The following DOCK1 variants were observed in gnomAD, a reference collection of about 807,000 sequenced individuals.
DOCK1 encodes dedicator of cytokinesis protein 1.
Under a neutral mutation model 262.7 loss-of-function variants are expected in DOCK1, and 138 were observed. That is an observed-to-expected ratio of 0.53 (90% CI 0.46 to 0.61). The LOEUF (loss-of-function observed/expected upper bound fraction) is 0.61. Among genes scored for constraint, DOCK1 ranks in the 20% least tolerant of loss-of-function variants. The pLI is 0.00. For synonymous variants in DOCK1, 866 were observed against 867.4 expected (o/e 1.00, Z 0.03); for missense variants, 1,908 against 2,370.7 (o/e 0.80, Z 4.05).
chr10:127,152,046 A>G (rs1412430757), intron 27 of DOCK1, among the ~76,000 whole-genome samples: 1 of 152,102 alleles, frequency 6.6e-6, no homozygotes, highest in African/African-American at 2.4e-5. Context: ...CACCCACAGA[A>G]TATTACGTAG....
intron 29 of DOCK1, among the ~76,000 whole-genome samples, chr10:127,329,799 C>T (rs866885408): frequency 1.3e-5 from 2 of 151,958 alleles, no homozygotes; most frequent in Non-Finnish European, 1.5e-5. Context: ...GAGGTAGAGG[C>T]GAATAAGAAG....
At chr10:127,035,774 C>T (rs190221213) in intron 18 of DOCK1, among the ~76,000 whole-genome samples, 3 of 152,114 alleles carry the variant, frequency 2.0e-5, no homozygotes, top group African/African-American at 7.2e-5. Context: ...CTTTGGGAGG[C>T]TGAGGCGTGA....
intron 29 of DOCK1, among the ~76,000 whole-genome samples, chr10:127,292,141 T>G (rs1357865017): frequency 1.3e-5 from 2 of 152,208 alleles, no homozygotes; most frequent in Non-Finnish European, 2.9e-5. Context: ...TGTTGGACAG[T>G]TTTTACCATT....
intron 25 of DOCK1, among the ~76,000 whole-genome samples, chr10:127,123,522 G>A (rs981405900): frequency 6.6e-6 from 1 of 152,218 alleles, no homozygotes; most frequent in Non-Finnish European, 1.5e-5. Flanking sequence ...TAAACCCTAC[G>A]TCGGATGCTG....
rs115065609 is a variant in DOCK1 at position 127,313,110 on chromosome 10, C to T, written c.3045-25896C>T. 3.5e-3 allele frequency among the ~76,000 whole-genome samples: 537 copies of T among 152,260 alleles called. 1 individual carries two copies. The highest frequency in any genetic ancestry group is 0.011 in the African/African-American group (467 of 41,544). On this transcript the variant is annotated intron_variant, in intron 29 of 51. Coordinates refer to ENST00000623213, the MANE Select transcript of DOCK1 (RefSeq NM_001290223.2). Reference sequence around the variant, plus strand: ...TGCTAGACATCATGACTCAGCCAGACCTCAGCTGTGTGACCCACTCCAAAC... The same window carrying T: ...TGCTAGACATCATGACTCAGCCAGATCTCAGCTGTGTGACCCACTCCAAAC...
At chr10:127,362,848 C>T (rs116021420) in intron 33 of DOCK1, among the ~76,000 whole-genome samples, 2 of 10,266 alleles carry the variant, frequency 1.9e-4, no homozygotes, top group Non-Finnish European at 2.1e-4. Flanking sequence ...CACACACACA[C>T]ACACATGTAC....
chr10:127,290,151 A>G (rs2061300328), intron 29 of DOCK1, among the ~76,000 whole-genome samples: 2 of 151,970 alleles, frequency 1.3e-5, no homozygotes, highest in Non-Finnish European at 2.9e-5. Flanking sequence ...GGAAGAAGTC[A>G]GTCTTGTTTT....
chr10:127,188,754 T>A (rs2056501448), intron 27 of DOCK1, among the ~76,000 whole-genome samples: 1 of 152,200 alleles, frequency 6.6e-6, no homozygotes. Flanking sequence ...GTAACACTTG[T>A]GTATAACACT....
Position 127,249,411 on chromosome 10 carries a change from A to ACACACATG in DOCK1, c.2949+1302_2949+1303insCACACATG, listed in dbSNP as rs71032544. Among the ~76,000 whole-genome samples, 103 of 127,372 alleles carry ACACACATG rather than the reference A, an allele frequency of 8.1e-4. 3 individuals carry two copies. In the South Asian group the frequency reaches 0.027, roughly 33 times the overall value. The allele number at this position is 127,372 out of a possible 152,430, so 83.6% of individuals were successfully genotyped here. A position where few individuals can be genotyped will look rare whatever the true frequency, so the allele number is the denominator to read the frequency against. On this transcript the variant is annotated intron_variant, in intron 28 of 51. Coordinates refer to ENST00000623213, the MANE Select transcript of DOCK1 (RefSeq NM_001290223.2). ...TATATACACACATATATACATATAT[A>ACACACATG]TATACATGTACATATATATATACAC...
At chr10:127,412,424 GCCATAATTTT>G (rs2067913899) in intron 43 of DOCK1, among the ~76,000 whole-genome samples, 1 of 152,100 alleles carries the variant, frequency 6.6e-6, no homozygotes, top group East Asian at 1.9e-4. Flanking sequence ...CATCAAATAA[GCCATAATTTT>G]TTTAAAATGT....
At chr10:127,429,764 G>T (rs2134608123) in intron 47 of DOCK1, among the ~76,000 whole-genome samples, 1 of 151,530 alleles carries the variant, frequency 6.6e-6, no homozygotes, top group South Asian at 2.1e-4. Context: ...CCAGGGATGA[G>T]CCCGTGAGCA....
chr10:127,026,528 A>C, intron 16 of DOCK1, 104 bp downstream of exon 16: 1 of 1,027,748 alleles, frequency 9.7e-7, no homozygotes, highest in Non-Finnish European at 1.5e-6. Context: ...ATCATAACAC[A>C]ATAAGGCTCA....
At chr10:127,252,256 G>T (rs1323410669) in intron 28 of DOCK1, among the ~76,000 whole-genome samples, 4 of 146,592 alleles carry the variant, frequency 2.7e-5, no homozygotes, top group Non-Finnish European at 6.1e-5. Context: ...TTTTAAATTT[G>T]TTTGAGTTCA....
chr10:127,146,339 G>A (rs910960060), intron 27 of DOCK1, among the ~76,000 whole-genome samples: 2 of 152,090 alleles, frequency 1.3e-5, no homozygotes, highest in African/African-American at 4.8e-5. Flanking sequence ...AAGTTTCCTA[G>A]CATCTAAATA....
In DOCK1 at chr10:127,404,346, G is replaced by T. The variant is rs1303281071; in HGVS notation, c.4039G>T (p.Glu1347Ter). 6.2e-7 allele frequency: 1 copy of T among 1,613,674 alleles called. No homozygotes were observed. The highest frequency in any genetic ancestry group is 1.7e-5 in the Admixed American group (1 of 59,990). Residue 1347 changes from glutamate to a stop codon, truncating the protein, a stop_gained, in exon 40 of 52, where the codon GAA becomes TAA. Transcript: ENST00000623213. LOFTEE classifies it high-confidence loss of function. ...ELLKKQAQFY[E>*]NIVKVIRPKP... ...CCAGAAAAAACAGGCTCAGTTTTAT[G>T]AAAACATCGTCAAAGTGATCAGGCC... is the stretch of plus-strand genomic sequence containing the variant.
chr10:126,937,489 T>C (rs1409019218), intron 1 of DOCK1, among the ~76,000 whole-genome samples: 1 of 151,210 alleles, frequency 6.6e-6, no homozygotes, highest in Non-Finnish European at 1.5e-5. Context: ...CACACTTGTT[T>C]TTCTCCAACA....
intron 29 of DOCK1, among the ~76,000 whole-genome samples, chr10:127,320,314 C>G (rs551109664): frequency 1.2e-4 from 18 of 152,218 alleles, no homozygotes; most frequent in African/African-American, 4.1e-4. Context: ...TATTTCAAGT[C>G]TTTCCAGTGG....
chr10:127,261,979 G>GGT (rs565161059), intron 29 of DOCK1, among the ~76,000 whole-genome samples: 136 of 96,134 alleles, frequency 1.4e-3, no homozygotes, highest in Non-Finnish European at 2.1e-3. Context: ...TGTGCATGTG[G>GGT]GTGTGTGTGT....
At chr10:127,414,995 C>T (rs1439504345) in intron 43 of DOCK1, among the ~76,000 whole-genome samples, 157 bp from the exon 44 acceptor site, 1 of 152,154 alleles carries the variant, frequency 6.6e-6, no homozygotes, top group Non-Finnish European at 1.5e-5. Context: ...TGAGGTGCTA[C>T]CTGAAGGCAC....
Sources: gnomAD v4.1 joint callset for allele counts (sites outside exome capture counted in the v4.1 genomes callset) on GRCh38, gnomAD v4.1.1 for gene constraint, MANE v1.5 for transcripts, NCBI Gene and HGNC (gene_info 2026-07-23, HGNC 2026-07-21) for gene names.